ST7: variants seen among roughly 807,000 people sequenced by gnomAD.
ST7 encodes suppressor of tumorigenicity 7 protein.
ST7 carries 28 observed loss-of-function variants against 78.7 expected under a neutral mutation model. That is an observed-to-expected ratio of 0.36 (90% confidence interval 0.26 to 0.49). The LOEUF (loss-of-function observed/expected upper bound fraction) is 0.49, where lower values mean the gene tolerates loss of function less well. Among genes scored for constraint, ST7 ranks in the 20% least tolerant of loss-of-function variants. The pLI, the probability that ST7 is intolerant of heterozygous loss-of-function variation, is 0.99. For synonymous variants in ST7, 247 were observed against 249.6 expected, an observed-to-expected ratio of 0.99 and a Z score of 0.10; for missense variants, 418 against 696.0, an observed-to-expected ratio of 0.60 and a Z score of 4.49.
At chr7:117,086,784 T>C (rs1029382887) in intron 1 of ST7, among the ~76,000 whole-genome samples, 1 of 152,182 alleles carries the variant, frequency 6.6e-6, no homozygotes, top group African/African-American at 2.4e-5. Flanking sequence ...TAACCGGAGT[T>C]CACAGCCCAG....
At chr7:117,136,613 G>A (rs1178665275) in intron 8 of ST7, 1 of 373,230 alleles carries the variant, frequency 2.7e-6, no homozygotes, top group Non-Finnish European at 4.8e-6. Context: ...GTTAGCAAAG[G>A]TTTTATCTTA....
chr7:117,083,130 G>T (rs898695659), intron 1 of ST7, among the ~76,000 whole-genome samples: 2 of 152,090 alleles, frequency 1.3e-5, no homozygotes, highest in Non-Finnish European at 2.9e-5. Context: ...CACGATCTTG[G>T]CTCACTGCAG....
chr7:117,179,473 G>A (rs145218459), intron 10 of ST7, among the ~76,000 whole-genome samples: 1,967 of 152,362 alleles, frequency 0.013, 19 homozygotes, highest in Non-Finnish European at 0.021. Flanking sequence ...CTTTAGCCCA[G>A]GATGGAAGGG....
At chr7:117,207,548 T>A (rs1440186652) in intron 12 of ST7, among the ~76,000 whole-genome samples, 1 of 152,236 alleles carries the variant, frequency 6.6e-6, no homozygotes, top group Non-Finnish European at 1.5e-5. Flanking sequence ...AGTTCTTTCA[T>A]AGATGCTTAA....
intron 9 of ST7, among the ~76,000 whole-genome samples, chr7:117,141,427 T>A (rs1187101654): frequency 6.6e-6 from 1 of 152,220 alleles, no homozygotes; most frequent in African/African-American, 2.4e-5. Flanking sequence ...GCAATACACC[T>A]GTGAAATATT....
intron 9 of ST7, among the ~76,000 whole-genome samples, chr7:117,147,785 T>C (rs1805923406): frequency 6.6e-6 from 1 of 152,200 alleles, no homozygotes; most frequent in African/African-American, 2.4e-5. Flanking sequence ...CTTTTTACCA[T>C]TTGATCCTAA....
Position 117,099,742 on chromosome 7 carries a change from C to T in ST7, c.152-20C>T. 6.3e-7 allele frequency: 1 copy of T among 1,598,258 alleles called. No homozygotes were observed. Among genetic ancestry groups the T allele is most frequent in the South Asian group, 1.1e-5 (1 of 89,302 alleles). ...ATACATTCCTTGTTCTTCTCCCTTTCTCTCTCTTTTCTTTTTCAGTGAGCA... is the reference window on the plus strand; with the variant it reads ...ATACATTCCTTGTTCTTCTCCCTTTTTCTCTCTTTTCTTTTTCAGTGAGCA... On this transcript the variant is annotated intron_variant, in intron 1 of 15. Transcript: ENST00000323984.
In ST7 at chr7:117,211,889, T is replaced by A. The variant is rs191069379; in HGVS notation, c.1405+1952T>A. Among the ~76,000 whole-genome samples the A allele has an allele frequency of 6.6e-5, 10 of 152,280 alleles. No individual in the cohort carries two copies. The East Asian group carries it at 1.9e-3, about 29-fold the overall frequency. ...GGGGATTTAATTTTCTCAAATTAAA[T>A]TGGCAGAATGCTTTATTAGGATAAA... is the stretch of plus-strand genomic sequence containing the variant. On this transcript the variant is annotated intron_variant, in intron 13 of 15. Transcript: ENST00000323984.
At chr7:117,222,947 T>C in intron 15 of ST7, 1 of 1,613,946 alleles carries the variant, frequency 6.2e-7, no homozygotes, top group Non-Finnish European at 8.5e-7. Flanking sequence ...TGGAAATCCC[T>C]CCGGCACCTC....
intron 1 of ST7, among the ~76,000 whole-genome samples, chr7:117,090,254 GACACACAC>G (rs10537016): frequency 6.7e-6 from 1 of 148,850 alleles, no homozygotes; most frequent in Non-Finnish European, 1.5e-5. Context: ...CACACACACA[GACACACAC>G]ACACACACAC....
rs980145050 is a variant in ST7 at position 117,119,451 on chromosome 7, A to G, written c.235-110A>G. ...ATTTTTAGAATAAACAGTTTTTGAA[A>G]TAAAATATACTTAAGGTGGAATTAG... On this transcript the variant is annotated intron_variant, in intron 2 of 15. Transcript: ENST00000323984. The G allele has an allele frequency of 2.8e-6, 3 of 1,080,710 alleles. No individual in the cohort carries two copies. In the African/African-American group the frequency reaches 4.9e-5, roughly 18 times the overall value. The allele number at this position is 1,080,710 out of a possible 1,614,324, so 66.9% of individuals were successfully genotyped here. A position where few individuals can be genotyped will look rare whatever the true frequency, so the allele number is the denominator to read the frequency against.
intron 1 of ST7, among the ~76,000 whole-genome samples, chr7:117,023,590 T>C (rs1340241069): frequency 6.6e-6 from 1 of 152,214 alleles, no homozygotes; most frequent in Non-Finnish European, 1.5e-5. Flanking sequence ...TGTATTTCAC[T>C]GAGCTTTTCC....
At chr7:116,970,004 G>A (rs1793330228) in intron 1 of ST7, among the ~76,000 whole-genome samples, 1 of 152,118 alleles carries the variant, frequency 6.6e-6, no homozygotes, top group African/African-American at 2.4e-5. Flanking sequence ...GAACCCAGGA[G>A]GCAGAGGTTG....
chr7:117,169,136 C>CTT (rs1491294527), intron 9 of ST7, among the ~76,000 whole-genome samples: 16,817 of 141,038 alleles, frequency 0.12, 2,008 homozygotes, highest in African/African-American at 0.3. Context: ...TAATCTTCTT[C>CTT]CTTTTTTTTT....
intron 1 of ST7, among the ~76,000 whole-genome samples, chr7:117,006,808 A>G (rs772198029): frequency 1.9e-4 from 29 of 152,204 alleles, no homozygotes; most frequent in Non-Finnish European, 3.2e-4. Context: ...AATTCTTACA[A>G]TATTTCAAAC....
chr7:117,198,540 G>A, intron 12 of ST7: 1 of 296,018 alleles, frequency 3.4e-6, no homozygotes, highest in Non-Finnish European at 6.7e-6. Flanking sequence ...GTAGCTGCTT[G>A]GTAAGTTCTT....
intron 1 of ST7, chr7:116,972,454 C>T (rs1388869181): frequency 2.7e-5 from 21 of 775,352 alleles, no homozygotes; most frequent in Non-Finnish European, 3.7e-5. Flanking sequence ...CTCTCGGCAA[C>T]GGTACTCTGC....
chr7:117,100,157 G>A (rs933113327), intron 2 of ST7, among the ~76,000 whole-genome samples: 2 of 152,078 alleles, frequency 1.3e-5, no homozygotes, highest in Non-Finnish European at 2.9e-5. Flanking sequence ...TAAAATAAAT[G>A]TAACTCAGTT....
intron 1 of ST7, among the ~76,000 whole-genome samples, chr7:117,057,593 C>G (rs932037016): frequency 5.3e-5 from 8 of 152,142 alleles, no homozygotes; most frequent in Non-Finnish European, 1.0e-4. Context: ...AGTGCTCAAA[C>G]ACAGCAAATA....
Sources: allele counts gnomAD v4.1 joint callset (sites outside exome capture counted in the v4.1 genomes callset), GRCh38; gene constraint gnomAD v4.1.1; transcripts MANE v1.5; gene names NCBI Gene and HGNC (gene_info 2026-07-23, HGNC 2026-07-21).